Variants in TSPAN9 observed in about 807,000 individuals in gnomAD.
TSPAN9 encodes the protein tetraspanin 9.
In TSPAN9, 16 loss-of-function variants were observed where a neutral mutation model predicts 31.0. The observed-to-expected ratio is 0.52, with a 90% confidence interval of 0.35 to 0.78. The LOEUF is 0.78. Ranked by LOEUF, TSPAN9 falls within the 30% of genes least tolerant of loss-of-function variation. TSPAN9 has a pLI of 0.01. For synonymous variants in TSPAN9, 145 were observed against 121.6 expected (o/e 1.19, Z -1.27); for missense variants, 272 against 312.5 (o/e 0.87, Z 0.98).
At chr12:3,215,636 G>T (rs139645415) in intron 3 of TSPAN9, among the ~76,000 whole-genome samples, 264 of 152,330 alleles carry the variant, frequency 1.7e-3, no homozygotes, top group African/African-American at 6.2e-3. Flanking sequence ...CATGTTGCTG[G>T]CTCCTGCAGT....
Position 3,213,259 on chromosome 12 carries a change from G to C in TSPAN9, c.63+12003G>C, listed in dbSNP as rs116051889. 4.1e-3 allele frequency among the ~76,000 whole-genome samples: 622 copies of C among 152,292 alleles called. 4 individuals are homozygous for C. The highest frequency in any genetic ancestry group is 0.014 in the African/African-American group (593 of 41,576). On this transcript the variant is annotated intron_variant, in intron 3 of 8. Transcript: ENST00000011898. ...CTCTAAGCAAACGGCAGTTGCTGGC[G>C]GTGAGGATCCTGTGCCTTCTGTTCT...
In TSPAN9 at chr12:3,095,632, A is replaced by ACCCCC. The variant is rs750007843; in HGVS notation, c.-18+11917_-18+11921dup. Among the ~76,000 whole-genome samples, 234 of 93,846 alleles carry ACCCCC rather than the reference A, an allele frequency of 2.5e-3. 3 individuals are homozygous for ACCCCC. Among genetic ancestry groups the ACCCCC allele is most frequent in the African/African-American group, 8.6e-3 (222 of 25,694 alleles). The allele number at this position is 93,846 out of a possible 152,430, so 61.6% of individuals were successfully genotyped here. On this transcript the variant is annotated intron_variant, in intron 2 of 8. Transcript: ENST00000011898. The stretch of plus-strand genomic sequence containing the variant: ...GGGCGGCTGGCCGGGCGGAGGGCTG[A>ACCCCC]CCCCCCCCACCTCCCTCCCGGACGG...
At chr12:3,078,289 C>G (rs898612307) in intron 1 of TSPAN9, among the ~76,000 whole-genome samples, 1 of 152,128 alleles carries the variant, frequency 6.6e-6, no homozygotes, top group Non-Finnish European at 1.5e-5. Context: ...GAGACCCAGT[C>G]TCTCATTATG....
At chr12:3,255,272 C>T (rs1052734962) in intron 3 of TSPAN9, among the ~76,000 whole-genome samples, 1 of 152,198 alleles carries the variant, frequency 6.6e-6, no homozygotes, top group Non-Finnish European at 1.5e-5. Flanking sequence ...TGTGCATGGA[C>T]CTCATCTGAC....
At chr12:3,247,299 G>GC (rs61516990) in intron 3 of TSPAN9, among the ~76,000 whole-genome samples, 446 of 37,426 alleles carry the variant, frequency 0.012, 19 homozygotes, top group African/African-American at 0.021. Context: ...TTACTGGCCA[G>GC]CCCCCCCCCC....
intron 3 of TSPAN9, among the ~76,000 whole-genome samples, chr12:3,251,478 A>AAAAGTTCTTT (rs1862243458): frequency 6.8e-6 from 1 of 146,876 alleles, no homozygotes; most frequent in African/African-American, 2.7e-5. Flanking sequence ...TCAAAAGTTG[A>AAAAGTTCTTT]TTTCTGATTA....
At chr12:3,125,568 T>A (rs549013764) in intron 2 of TSPAN9, among the ~76,000 whole-genome samples, 1 of 152,336 alleles carries the variant, frequency 6.6e-6, no homozygotes, top group Admixed American at 6.5e-5. Context: ...ACATTTCATA[T>A]TTTTCACTCT....
chr12:3,236,003 C>A (rs1030814934), intron 3 of TSPAN9, among the ~76,000 whole-genome samples: 1 of 152,268 alleles, frequency 6.6e-6, no homozygotes, highest in Non-Finnish European at 1.5e-5. Context: ...GATCCTGATT[C>A]AGGGTTCCAC....
intron 3 of TSPAN9, among the ~76,000 whole-genome samples, chr12:3,265,299 C>T (rs140948327): frequency 3.7e-4 from 57 of 152,284 alleles, no homozygotes; most frequent in African/African-American, 1.3e-3. Context: ...TTACAGGCAC[C>T]GCGTGGAAAA....
chr12:3,188,865 G>A (rs10848821), intron 2 of TSPAN9, among the ~76,000 whole-genome samples: 46,044 of 151,812 alleles, frequency 0.3, 7,060 homozygotes, highest in Middle Eastern at 0.33. Context: ...GAGGGTGTCC[G>A]ATACATACAC....
chr12:3,113,034 C>A (rs4766045), intron 2 of TSPAN9, among the ~76,000 whole-genome samples: 151,692 of 152,240 alleles, frequency 1, 75,577 homozygotes, highest in South Asian at 1. Context: ...TATTGACCCA[C>A]TGATTGTTCA....
At chr12:3,163,263 G>A (rs896887203) in intron 2 of TSPAN9, among the ~76,000 whole-genome samples, 2 of 152,176 alleles carry the variant, frequency 1.3e-5, no homozygotes, top group Admixed American at 1.3e-4. Flanking sequence ...CTGTTCAAGG[G>A]CCAGCTTAAA....
rs1186250013 is a variant in TSPAN9, at chr12:3,095,489, C to T, written c.-18+11770C>T. On this transcript the variant is annotated intron_variant, in intron 2 of 8. Coordinates refer to ENST00000011898, the MANE Select transcript of TSPAN9 (RefSeq NM_006675.5). The stretch of plus-strand genomic sequence containing the variant: ...TCACCTCCCGGACGGGGCGGCTGGC[C>T]GGGCGGGGGACTGACCCCCCCCCAC... Among the ~76,000 whole-genome samples the T allele has an allele frequency of 7.7e-3, 783 of 101,244 alleles. 55 individuals carry two copies. Among genetic ancestry groups the T allele is most frequent in the African/African-American group, 0.029 (689 of 24,050 alleles). 66.4% of individuals were successfully genotyped at this position (101,244 alleles called of 152,430 possible). A position where few individuals can be genotyped will look rare whatever the true frequency, so the allele number is the denominator to read the frequency against.
At chr12:3,097,889 G>A (rs2098309914) in intron 2 of TSPAN9, among the ~76,000 whole-genome samples, 1 of 152,250 alleles carries the variant, frequency 6.6e-6, no homozygotes, top group South Asian at 2.1e-4. Context: ...GTCAGGCAGA[G>A]AAGCCCCTTT....
intron 3 of TSPAN9, among the ~76,000 whole-genome samples, chr12:3,202,917 G>A (rs1237464905): frequency 2.0e-5 from 3 of 152,166 alleles, no homozygotes; most frequent in African/African-American, 7.2e-5. Context: ...GTGCCTCCTG[G>A]TCCTGTGACC....
chr12:3,224,456 A>G (rs1565621184), intron 3 of TSPAN9, among the ~76,000 whole-genome samples: 1 of 152,236 alleles, frequency 6.6e-6, no homozygotes, highest in Non-Finnish European at 1.5e-5. Context: ...GCTAGGAAGA[A>G]CCTACAGAAG....
At chr12:3,125,423 C>T (rs1453185767) in intron 2 of TSPAN9, among the ~76,000 whole-genome samples, 2 of 152,180 alleles carry the variant, frequency 1.3e-5, no homozygotes, top group Non-Finnish European at 2.9e-5. Context: ...GGAGTTCCTT[C>T]TTCCTCTCCT....
intron 2 of TSPAN9, among the ~76,000 whole-genome samples, chr12:3,153,616 T>C (rs543415855): frequency 3.9e-4 from 60 of 152,370 alleles, no homozygotes; most frequent in African/African-American, 1.4e-3. Flanking sequence ...TACTGTTGAA[T>C]GTTTAGCTCA....
At chr12:3,182,981 G>A (rs2153971383) in intron 2 of TSPAN9, among the ~76,000 whole-genome samples, 1 of 152,332 alleles carries the variant, frequency 6.6e-6, no homozygotes, top group African/African-American at 2.4e-5. Context: ...GCTGTCTCCG[G>A]GACTGAGGCT....
Sources: gnomAD v4.1 joint callset for allele counts (sites outside exome capture counted in the v4.1 genomes callset) on GRCh38, gnomAD v4.1.1 for gene constraint, MANE v1.5 for transcripts, NCBI Gene and HGNC (gene_info 2026-07-23, HGNC 2026-07-21) for gene names.